The following VAV2 variants were observed in gnomAD, a reference collection of about 807,000 sequenced individuals.
VAV2 encodes the protein guanine nucleotide exchange factor VAV2.
A neutral mutation model predicts 132.5 loss-of-function variants in VAV2; 67 were observed. The ratio of observed to expected loss-of-function variants is 0.51; its 90% CI spans 0.42 to 0.62. VAV2 has a LOEUF of 0.62. Among genes scored for constraint, VAV2 ranks in the 20% least tolerant of loss-of-function variants. VAV2 has a pLI of 0.00. For missense variants in VAV2, 938 were observed against 1,153.6 expected (o/e 0.81, Z 2.71); for synonymous variants, 492 against 443.5 (o/e 1.11, Z -1.37).
intron 2 of VAV2, among the ~76,000 whole-genome samples, chr9:133,913,880 C>T (rs753724038): frequency 3.9e-5 from 6 of 152,208 alleles, no homozygotes; most frequent in East Asian, 3.8e-4. Context: ...AGGTGGAGCC[C>T]GCAGCAGACA....
In VAV2 at chr9:133,785,859, G is replaced by A. The variant is rs765753810; in HGVS notation, c.1449C>T (p.His483=). The A allele has an allele frequency of 2.5e-6, 4 of 1,613,926 alleles. No individual in the cohort carries two copies. The highest frequency in any genetic ancestry group is 3.4e-6 in the Non-Finnish European group (4 of 1,179,946). ...ACTGGAAGCCCTGCTTTCCTTGAAGGTGAATTAGGTAGAAGCCGTAGGACC... is the reference window on the plus strand; with the variant it reads ...ACTGGAAGCCCTGCTTTCCTTGAAGATGAATTAGGTAGAAGCCGTAGGACC... ...KMWSYGFYLI[H]LQGKQGFQFF... is the part of the protein sequence containing the mutation. The change falls in exon 17 of 30, where the codon CAC becomes CAT. Residue 483 remains histidine, a synonymous_variant. Coordinates refer to ENST00000371850, the MANE Select transcript of VAV2 (RefSeq NM_001134398.2).
intron 8 of VAV2, 21 bp downstream of exon 8, chr9:133,807,237 G>A (rs772482577): frequency 8.7e-6 from 14 of 1,606,628 alleles, no homozygotes; most frequent in East Asian, 4.5e-5. Context: ...TGGCATGAGC[G>A]ATGGGGGCCG....
Position 133,834,309 on chromosome 9 carries a change from C to T in VAV2, c.412G>A (p.Asp138Asn). 4 of 1,612,922 alleles carry T rather than the reference C, an allele frequency of 2.5e-6. No individual in the cohort carries two copies. In the South Asian group the frequency reaches 4.4e-5, roughly 18 times the overall value. Residue 138 changes from aspartate to asparagine, a missense_variant, in exon 4 of 30, where the codon GAC becomes AAC. Coordinates refer to ENST00000371850, the MANE Select transcript of VAV2 (RefSeq NM_001134398.2). This position sits in a 1 kb window ranked among gnomAD's most constrained non-coding sequence, Gnocchi z 5.9. ...PFPSEETTEN[D>N]DDVYRSLEEL... The stretch of plus-strand genomic sequence containing the variant: ...TCCAGGCTGCGGTAGACGTCATCGT[C>T]ATTCTCTGTGGTCTCCTCTGAGGGA...
chr9:133,895,171 T>C (rs2131989823), intron 2 of VAV2, among the ~76,000 whole-genome samples: 1 of 150,094 alleles, frequency 6.7e-6, no homozygotes, highest in Non-Finnish European at 1.5e-5. Context: ...CAGCAAAGAG[T>C]CAACAGGTGT....
At chr9:133,930,548 C>A (rs188271202) in intron 2 of VAV2, among the ~76,000 whole-genome samples, 4 of 152,386 alleles carry the variant, frequency 2.6e-5, no homozygotes, top group Admixed American at 6.5e-5. Flanking sequence ...CAACAGCTGC[C>A]TTGCTAGTCA....
chr9:133,783,162 C>G (rs1834070502), intron 19 of VAV2, among the ~76,000 whole-genome samples: 1 of 152,186 alleles, frequency 6.6e-6, no homozygotes, highest in Non-Finnish European at 1.5e-5. Context: ...GATGAGAAAC[C>G]TCCATGCACC....
At chr9:133,869,117 C>T (rs958489683) in intron 2 of VAV2, among the ~76,000 whole-genome samples, 23 of 152,126 alleles carry the variant, frequency 1.5e-4, no homozygotes, top group African/African-American at 3.9e-4. Flanking sequence ...CCGCCTCAGC[C>T]GCCTGAGTAG....
At chr9:133,767,546 A>T (rs1564324772) in intron 29 of VAV2, among the ~76,000 whole-genome samples, 1 of 152,210 alleles carries the variant, frequency 6.6e-6, no homozygotes, top group Non-Finnish European at 1.5e-5. Flanking sequence ...CACAAGGACC[A>T]CTTTGAGAAC....
intron 2 of VAV2, among the ~76,000 whole-genome samples, chr9:133,897,839 A>T (rs907421426): frequency 2.0e-5 from 3 of 152,144 alleles, no homozygotes; most frequent in African/African-American, 7.3e-5. Flanking sequence ...GAGTGAAGAA[A>T]AAACAACCCG....
chr9:133,800,995 C>A (rs1387284815), intron 9 of VAV2, among the ~76,000 whole-genome samples: 1 of 152,218 alleles, frequency 6.6e-6, no homozygotes, highest in African/African-American at 2.4e-5. Flanking sequence ...TCAGTGGGAG[C>A]CCAAAGAGGA....
At position 133,861,379 on chromosome 9, in the gene VAV2, C is replaced by G. The variant is rs1172128881; in HGVS notation, c.375G>C (p.Gly125=). 1.2e-6 allele frequency: 2 copies of G among 1,612,566 alleles called. No homozygotes were observed. Among genetic ancestry groups the G allele is most frequent in the South Asian group, 1.1e-5 (1 of 90,772 alleles). ...LSLHSIAQNK[G]IRPFPSEETT... Reference sequence around the variant, plus strand: ...GCGCACTCCGGAGAGCTCACCTGATCCCTTTGTTCTGCGCGATGCTGTGCA... The same window carrying G: ...GCGCACTCCGGAGAGCTCACCTGATGCCTTTGTTCTGCGCGATGCTGTGCA... Residue 125 remains glycine (G), a synonymous_variant, in exon 3 of 30, where the codon GGG becomes GGC. Coordinates refer to ENST00000371850, the MANE Select transcript of VAV2 (RefSeq NM_001134398.2).
At chr9:133,770,721 A>T in intron 26 of VAV2, among the ~76,000 whole-genome samples, 1 of 152,214 alleles carries the variant, frequency 6.6e-6, no homozygotes. Flanking sequence ...TCTGCAAAAG[A>T]TGCCAAGACT....
At chr9:133,783,418 C>T in intron 19 of VAV2, 85 bp downstream of exon 19, 1 of 1,377,788 alleles carries the variant, frequency 7.3e-7, no homozygotes, top group South Asian at 1.2e-5. Flanking sequence ...GGAGATGGTG[C>T]CCGAGGCCCG....
Position 133,802,323 on chromosome 9 carries a change from T to TACACACACACACACACACACACACACAC in VAV2, c.836+3730_836+3757dup, listed in dbSNP as rs58155949. 4.2e-5 allele frequency among the ~76,000 whole-genome samples: 6 copies of TACACACACACACACACACACACACACAC among 142,096 alleles called. No individual in the cohort carries two copies. The highest frequency in any genetic ancestry group is 1.6e-4 in the African/African-American group (6 of 38,388). The allele number at this position is 142,096 out of a possible 152,430, so 93.2% of individuals were successfully genotyped here. A position where few individuals can be genotyped will look rare whatever the true frequency, so the allele number is the denominator to read the frequency against. On this transcript the variant is annotated intron_variant, in intron 9 of 29. Coordinates refer to ENST00000371850, the MANE Select transcript of VAV2 (RefSeq NM_001134398.2). This position sits in a 1 kb window ranked among gnomAD's most constrained non-coding sequence, Gnocchi z 5.8. ...GCACACAAACACACAAGCACGCGTG[T>TACACACACACACACACACACACACACAC]ACACACACACACACACACACACACA...
intron 4 of VAV2, among the ~76,000 whole-genome samples, chr9:133,828,877 C>G (rs1002986774): frequency 6.6e-6 from 1 of 152,240 alleles, no homozygotes; most frequent in Non-Finnish European, 1.5e-5. Context: ...GATAGTGCCC[C>G]GGTCTTCAGC....
At position 133,926,093 on chromosome 9, in the gene VAV2, T is replaced by G. The variant is rs1840472163; in HGVS notation, c.321+13010A>C. The G allele has an allele frequency of 6.9e-6, 1 of 144,094 alleles. No homozygotes were observed. The highest frequency in any genetic ancestry group is 7.0e-5 in the Admixed American group (1 of 14,300). 8.9% of individuals were successfully genotyped at this position (144,094 alleles called of 1,614,324 possible). Reference sequence around the variant, plus strand: ...AGCTCTCAGCCAACGGGGTGGGGACTCACAGGAAAGAGAAGTGACAAAGAC... The same window carrying G: ...AGCTCTCAGCCAACGGGGTGGGGACGCACAGGAAAGAGAAGTGACAAAGAC... On this transcript the variant is annotated intron_variant, in intron 2 of 29. Transcript: ENST00000371850. This position sits in a 1 kb window ranked among gnomAD's most constrained non-coding sequence, Gnocchi z 4.3.
chr9:133,870,783 A>C (rs1343620335), intron 2 of VAV2, among the ~76,000 whole-genome samples: 2 of 129,526 alleles, frequency 1.5e-5, no homozygotes, highest in East Asian at 5.5e-4. Context: ...ATAAGTGGGT[A>C]TGTGGGTGGA....
rs187750957 is a variant in VAV2, at chr9:133,812,233, G to C, written c.450-17C>G. ...TCATGCTCGCTGCACAGGAGGAGGC[G>C]GGTTAGAGGGGAGGGGAGGCTCCCG... On this transcript the variant is annotated splice_polypyrimidine_tract_variant and intron_variant, in intron 4 of 29. Transcript: ENST00000371850. The C allele has an allele frequency of 6.2e-7, 1 of 1,611,994 alleles. No homozygotes were observed.
intron 3 of VAV2, among the ~76,000 whole-genome samples, chr9:133,849,196 C>T (rs1052652860): frequency 6.6e-6 from 1 of 152,300 alleles, no homozygotes; most frequent in East Asian, 1.9e-4. Flanking sequence ...ACATTCCTCC[C>T]GCCCCGAACG....
Sources: gnomAD v4.1 joint callset for allele counts (sites outside exome capture counted in the v4.1 genomes callset) on GRCh38, gnomAD v4.1.1 for gene constraint, Gnocchi (gnomAD v3.1) non-coding constraint, MANE v1.5 for transcripts, NCBI Gene and HGNC (gene_info 2026-07-23, HGNC 2026-07-21) for gene names.